NFIL3: variants seen among roughly 807,000 people sequenced by gnomAD.
NFIL3 encodes the protein nuclear factor, interleukin 3 regulated.
Under a neutral mutation model 10.0 loss-of-function variants are expected in NFIL3, and 5 were observed. The observed-to-expected ratio is 0.50, with a 90% confidence interval of 0.26 to 1.06. The LOEUF is 1.06. Among genes scored for constraint, NFIL3 ranks in the 50% least tolerant of loss-of-function variants. The pLI, the probability that NFIL3 is intolerant of heterozygous loss-of-function variation, is 0.13. For synonymous variants in NFIL3, 202 were observed against 206.5 expected, an observed-to-expected ratio of 0.98 and a Z score of 0.19; for missense variants, 436 against 547.6, an observed-to-expected ratio of 0.80 and a Z score of 2.03.
intron 1 of NFIL3, among the ~76,000 whole-genome samples, chr9:91,418,468 AT>A (rs1259289933): frequency 6.6e-6 from 1 of 152,236 alleles, no homozygotes; most frequent in Non-Finnish European, 1.5e-5. Context: ...GGCTGAGAAA[AT>A]TCTTGAAAGT....
intron 1 of NFIL3, among the ~76,000 whole-genome samples, chr9:91,411,259 T>C (rs1346522877): frequency 1.3e-5 from 2 of 152,122 alleles, no homozygotes; most frequent in Non-Finnish European, 2.9e-5. Context: ...AGGAAGGAAA[T>C]GACAGATAGC....
At chr9:91,453,826 T>C in the NFIL3 span, among the ~76,000 whole-genome samples, 1 of 152,124 alleles carries the variant, frequency 6.6e-6, no homozygotes. Context: ...GATTTATCTT[T>C]TTAGCTTATA....
the NFIL3 span, among the ~76,000 whole-genome samples, chr9:91,446,299 G>A: frequency 3.3e-5 from 5 of 152,132 alleles, no homozygotes; most frequent in South Asian, 6.2e-4. Context: ...CCTTCTCTAC[G>A]TAGCCATACT....
chr9:91,482,970 C>T, the NFIL3 span, among the ~76,000 whole-genome samples: 1 of 152,164 alleles, frequency 6.6e-6, no homozygotes, highest in South Asian at 2.1e-4. Context: ...CATCGACTGC[C>T]TATCCACATA....
chr9:91,468,180 AC>A, the NFIL3 span, among the ~76,000 whole-genome samples: 2 of 152,170 alleles, frequency 1.3e-5, no homozygotes, highest in African/African-American at 4.8e-5. Flanking sequence ...CTATTTCTCC[AC>A]ATCCTCTCCA....
upstream of NFIL3, among the ~76,000 whole-genome samples, chr9:91,425,854 T>C (rs1297142361): frequency 6.6e-6 from 1 of 152,218 alleles, no homozygotes; most frequent in East Asian, 1.9e-4. Context: ...GAACCTCTCT[T>C]AGATGAAATC....
At chr9:91,437,542 G>A in the NFIL3 span, among the ~76,000 whole-genome samples, 3 of 152,178 alleles carry the variant, frequency 2.0e-5, no homozygotes, top group African/African-American at 7.2e-5. Context: ...TCATTTAGCA[G>A]GAATCACAAA....
At chr9:91,440,797 A>C in the NFIL3 span, among the ~76,000 whole-genome samples, 1 of 151,998 alleles carries the variant, frequency 6.6e-6, no homozygotes, top group South Asian at 2.1e-4. Context: ...TAATTTCCAC[A>C]TATGTGTGAG....
chr9:91,460,268 G>GTTTTTTT, the NFIL3 span, among the ~76,000 whole-genome samples: 4 of 77,092 alleles, frequency 5.2e-5, no homozygotes, highest in African/African-American at 1.3e-4. Context: ...GGAGGGCTTG[G>GTTTTTTT]TTCTTTTTTT....
chr9:91,474,398 A>G, the NFIL3 span, among the ~76,000 whole-genome samples: 1 of 152,216 alleles, frequency 6.6e-6, no homozygotes, highest in East Asian at 1.9e-4. Context: ...ATATTGGTGT[A>G]TAATTTAGGT....
chr9:91,465,434 A>C, the NFIL3 span, among the ~76,000 whole-genome samples: 1 of 151,968 alleles, frequency 6.6e-6, no homozygotes, highest in South Asian at 2.1e-4. Flanking sequence ...ACTTCTAGAA[A>C]TTTATTTAGA....
chr9:91,468,545 G>A, the NFIL3 span, among the ~76,000 whole-genome samples: 1 of 151,966 alleles, frequency 6.6e-6, no homozygotes, highest in African/African-American at 2.4e-5. Flanking sequence ...ACTTTAATTA[G>A]ATCCCATTTA....
intron 1 of NFIL3, among the ~76,000 whole-genome samples, chr9:91,415,375 A>T (rs534756693): frequency 6.6e-6 from 1 of 152,324 alleles, no homozygotes; most frequent in Admixed American, 6.5e-5. Flanking sequence ...CAATTTTCAG[A>T]TAAGAAAACT....
At chr9:91,418,832 C>T (rs1399670855) in intron 1 of NFIL3, among the ~76,000 whole-genome samples, 1 of 141,564 alleles carries the variant, frequency 7.1e-6, no homozygotes, top group Non-Finnish European at 1.5e-5. Context: ...ATTATTAAAG[C>T]CATATGAGAA....
rs1833533434 is a variant in NFIL3, at chr9:91,410,756, T to G, written c.-22A>C. ...GCATCAGAAACAACCTTACCCTATC[T>G]ATGTGTGTAGGAGAACAAATTAATT... On this transcript the variant is annotated 5_prime_UTR_variant, in exon 2 of 2. Coordinates refer to ENST00000297689, the MANE Select transcript of NFIL3 (RefSeq NM_005384.3). This position sits in a 1 kb window ranked among gnomAD's most constrained non-coding sequence, Gnocchi z 5.7. 1 of 1,553,132 alleles carries G rather than the reference T, an allele frequency of 6.4e-7. No homozygotes were observed. The highest frequency in any genetic ancestry group is 1.4e-5 in the African/African-American group (1 of 72,360).
chr9:91,427,795 CATGCCTGGCTAATTTTTTAATTTTTTTTT>C (rs1833886914), upstream of NFIL3, among the ~76,000 whole-genome samples: 1 of 152,014 alleles, frequency 6.6e-6, no homozygotes, highest in Non-Finnish European at 1.5e-5. Flanking sequence ...TGCACACTAC[CATGCCTGGCTAATTTTTTAATTTTTTTTT>C]TGTTAGAGTC....
chr9:91,414,136 C>G (rs963925842), intron 1 of NFIL3, among the ~76,000 whole-genome samples: 2 of 152,212 alleles, frequency 1.3e-5, no homozygotes, highest in African/African-American at 4.8e-5. Context: ...TTCTAGGTGT[C>G]TAAGTACTAT....
chr9:91,482,775 T>TACA, the NFIL3 span, among the ~76,000 whole-genome samples: 2 of 152,302 alleles, frequency 1.3e-5, no homozygotes, highest in African/African-American at 4.8e-5. Flanking sequence ...GTGCTGGGAT[T>TACA]ACAGGTGTGA....
chr9:91,443,358 C>A, the NFIL3 span, among the ~76,000 whole-genome samples: 123 of 152,354 alleles, frequency 8.1e-4, 1 homozygote, highest in African/African-American at 2.9e-3. Context: ...AGGGGCTTCA[C>A]CAGGGAACAG....
Sources: gnomAD v4.1 joint callset for allele counts (sites outside exome capture counted in the v4.1 genomes callset) on GRCh38, gnomAD v4.1.1 for gene constraint, Gnocchi (gnomAD v3.1) non-coding constraint, MANE v1.5 for transcripts, NCBI Gene and HGNC (gene_info 2026-07-23, HGNC 2026-07-21) for gene names.